The following UROS variants were observed in gnomAD, a reference collection of about 807,000 sequenced individuals.
The protein encoded by UROS is uroporphyrinogen III synthase, also known as uroporphyrinogen-III synthase.
Under a neutral mutation model 33.0 loss-of-function variants are expected in UROS, and 18 were observed. The ratio of observed to expected loss-of-function variants is 0.55; its 90% CI spans 0.38 to 0.81. UROS has a LOEUF of 0.81. Ranked by LOEUF, UROS falls within the 30% of genes least tolerant of loss-of-function variation. The pLI is 0.00. For synonymous variants in UROS, 114 were observed against 121.1 expected, an observed-to-expected ratio of 0.94 and a Z score of 0.38; for missense variants, 293 against 314.9, an observed-to-expected ratio of 0.93 and a Z score of 0.53.
intron 1 of UROS, among the ~76,000 whole-genome samples, chr10:125,817,985 C>T (rs1452335761): frequency 3.9e-5 from 6 of 152,164 alleles, no homozygotes. Context: ...AAATATTTCT[C>T]CTGGGTTCTA....
downstream of UROS, among the ~76,000 whole-genome samples, chr10:125,786,209 A>G (rs984356950): frequency 1.3e-4 from 20 of 152,214 alleles, no homozygotes; most frequent in African/African-American, 4.8e-4. Context: ...GATCTATTAA[A>G]AAGTAGGAAT....
chr10:125,791,603 A>G (rs1445584495), intron 9 of UROS: 1 of 152,200 alleles, frequency 6.6e-6, no homozygotes, highest in Non-Finnish European at 1.5e-5. Context: ...TGGGTAAATA[A>G]AACGGTCCTC....
At chr10:125,817,384 CCT>C (rs1414119261) in intron 1 of UROS, among the ~76,000 whole-genome samples, 1 of 150,924 alleles carries the variant, frequency 6.6e-6, no homozygotes, top group African/African-American at 2.4e-5. Context: ...ATGTATTTCT[CCT>C]CTCTTTTCCT....
At chr10:125,814,978 A>C (rs1354940558) in intron 4 of UROS, 56 bp downstream of exon 4, 1 of 1,570,018 alleles carries the variant, frequency 6.4e-7, no homozygotes, top group Non-Finnish European at 8.7e-7. Flanking sequence ...GTCTCCCAGC[A>C]GGAGAAATAA....
chr10:125,805,802 C>T (rs1223828851), intron 6 of UROS, among the ~76,000 whole-genome samples: 6 of 152,158 alleles, frequency 3.9e-5, no homozygotes, highest in East Asian at 1.9e-4. Context: ...ACCCGAGACA[C>T]GCTGGGCACT....
At chr10:125,815,421 G>A (rs1346217193) in intron 3 of UROS, among the ~76,000 whole-genome samples, 1 of 152,166 alleles carries the variant, frequency 6.6e-6, no homozygotes, top group African/African-American at 2.4e-5. Context: ...AGCACAGAGG[G>A]GAAGCCTGAC....
chr10:125,803,230 C>T (rs1406839075), intron 6 of UROS, among the ~76,000 whole-genome samples: 2 of 152,176 alleles, frequency 1.3e-5, no homozygotes, highest in South Asian at 4.1e-4. Flanking sequence ...AGTAATCGTT[C>T]CCATGTCACA....
intron 9 of UROS, 155 bp from the exon 10 acceptor site, chr10:125,789,160 A>G: frequency 7.0e-7 from 1 of 1,419,338 alleles, no homozygotes. Flanking sequence ...GCCCGATTCT[A>G]GCCCAGCTTC....
At chr10:125,802,086 C>T (rs1393987914) in intron 6 of UROS, 2 of 985,344 alleles carry the variant, frequency 2.0e-6, no homozygotes, top group Non-Finnish European at 2.4e-6. Context: ...TTTATTTCTA[C>T]ATTTTTAAAA....
chr10:125,789,297 C>T, intron 9 of UROS: 1 of 1,356,458 alleles, frequency 7.4e-7, no homozygotes, highest in East Asian at 3.1e-5. Flanking sequence ...ACGGCTGTGT[C>T]AGTGCAGTCC....
At chr10:125,789,913 C>T (rs2040781061) in intron 9 of UROS, among the ~76,000 whole-genome samples, 1 of 152,240 alleles carries the variant, frequency 6.6e-6, no homozygotes, top group Non-Finnish European at 1.5e-5. Context: ...AGAAGGTCCT[C>T]ATCCCCCACT....
downstream of UROS, among the ~76,000 whole-genome samples, chr10:125,787,573 C>G (rs1259830681): frequency 6.6e-6 from 1 of 152,150 alleles, no homozygotes; most frequent in South Asian, 2.1e-4. Flanking sequence ...GGGGTGGGGC[C>G]TGAGCTACTT....
intron 6 of UROS, among the ~76,000 whole-genome samples, chr10:125,798,966 C>A (rs983068939): frequency 3.3e-5 from 5 of 152,330 alleles, no homozygotes; most frequent in South Asian, 2.1e-4. Context: ...CATTACCCCC[C>A]ACATCCATCC....
chr10:125,807,990 G>C (rs1186799345), intron 5 of UROS, among the ~76,000 whole-genome samples: 1 of 152,214 alleles, frequency 6.6e-6, no homozygotes, highest in Admixed American at 6.5e-5. Flanking sequence ...GACTAAAATG[G>C]AAGGAAGGGG....
At chr10:125,815,419 G>A (rs1336415001) in intron 3 of UROS, among the ~76,000 whole-genome samples, 2 of 152,192 alleles carry the variant, frequency 1.3e-5, no homozygotes, top group Non-Finnish European at 2.9e-5. Flanking sequence ...GCAGCACAGA[G>A]GGGAAGCCTG....
At chr10:125,808,948 T>A (rs1043159199) in intron 5 of UROS, among the ~76,000 whole-genome samples, 3 of 152,264 alleles carry the variant, frequency 2.0e-5, no homozygotes, top group Non-Finnish European at 4.4e-5. Flanking sequence ...GGTAAGCCCA[T>A]CTTAAGGGCC....
At chr10:125,821,599 TAGTTA>T (rs1457666634) in intron 1 of UROS, among the ~76,000 whole-genome samples, 5 of 152,174 alleles carry the variant, frequency 3.3e-5, no homozygotes, top group Admixed American at 1.3e-4. Context: ...TCTTTAAAAA[TAGTTA>T]AGATGGTAAA....
chr10:125,817,626 G>A (rs148855628), intron 1 of UROS, among the ~76,000 whole-genome samples: 781 of 71,616 alleles, frequency 0.011, 5 homozygotes, highest in Admixed American at 0.015. Context: ...TAAAAACAGC[G>A]AACAGATCTA....
Position 125,788,847 on chromosome 10 carries a change from G to A in UROS, c.*21C>T. 1 of 1,568,514 alleles carries A rather than the reference G, an allele frequency of 6.4e-7. No homozygotes were observed. Among genetic ancestry groups the A allele is most frequent in the East Asian group, 2.3e-5 (1 of 42,756 alleles). ...AGCCCAGCCCAGGGAGGCTGCATGG[G>A]GCCAGCGCTAGGTGGCTGACTCAGC... is the stretch of plus-strand genomic sequence containing the variant. On this transcript the variant is annotated 3_prime_UTR_variant, in exon 10 of 10. Transcript: ENST00000368797.
Sources: gnomAD v4.1 joint callset for allele counts (sites outside exome capture counted in the v4.1 genomes callset) on GRCh38, gnomAD v4.1.1 for gene constraint, MANE v1.5 for transcripts, NCBI Gene and HGNC (gene_info 2026-07-23, HGNC 2026-07-21) for gene names.